MARK1: variants seen among roughly 807,000 people sequenced by gnomAD.
The protein encoded by MARK1 is serine/threonine-protein kinase MARK1.
A neutral mutation model predicts 96.3 loss-of-function variants in MARK1; 40 were observed. The ratio of observed to expected loss-of-function variants is 0.42; its 90% confidence interval spans 0.32 to 0.54. The LOEUF is 0.54. MARK1 is among the 20% of genes least tolerant of loss of function. The pLI is 0.16. For missense variants in MARK1, 719 were observed against 984.6 expected (o/e 0.73, Z 3.61); for synonymous variants, 317 against 341.2 (o/e 0.93, Z 0.78).
At chr1:220,602,961 A>G (rs913425178) in intron 5 of MARK1, among the ~76,000 whole-genome samples, 1 of 152,050 alleles carries the variant, frequency 6.6e-6, no homozygotes, top group Non-Finnish European at 1.5e-5. Context: ...TACAACAACC[A>G]TGTGAGTAGA....
At position 220,664,178 on chromosome 1, in the gene MARK1, T is replaced by G. The variant is rs1669626142; in HGVS notation, c.*2012T>G. 1 of 152,218 alleles carries G rather than the reference T, an allele frequency of 6.6e-6. No homozygotes were observed. The highest frequency in any genetic ancestry group is 1.9e-4 in the East Asian group (1 of 5,204). The allele number at this position is 152,218 out of a possible 1,614,324, so 9.4% of individuals were successfully genotyped here. A position where few individuals can be genotyped will look rare whatever the true frequency, so the allele number is the denominator to read the frequency against. On this transcript the variant is annotated 3_prime_UTR_variant, in exon 18 of 18. Coordinates refer to ENST00000366917, the MANE Select transcript of MARK1 (RefSeq NM_018650.5). Reference sequence around the variant, plus strand: ...CGGTAGAAACTGATATTTTTTTACATTTTCTCACTGTGGCCAACTCTTCTG... The same window carrying G: ...CGGTAGAAACTGATATTTTTTTACAGTTTCTCACTGTGGCCAACTCTTCTG...
At chr1:220,596,165 A>G (rs1027892681) in intron 3 of MARK1, among the ~76,000 whole-genome samples, 1 of 152,192 alleles carries the variant, frequency 6.6e-6, no homozygotes, top group Admixed American at 6.6e-5. Flanking sequence ...TAGGAGAAAC[A>G]TGTAGAGTGA....
intron 5 of MARK1, among the ~76,000 whole-genome samples, chr1:220,600,295 T>C (rs1665654379): frequency 6.6e-6 from 1 of 152,198 alleles, no homozygotes; most frequent in Non-Finnish European, 1.5e-5. Context: ...ATTCTCAATA[T>C]ACATACATTT....
chr1:220,570,900 A>G (rs1327666721), intron 1 of MARK1, among the ~76,000 whole-genome samples: 1 of 152,192 alleles, frequency 6.6e-6, no homozygotes. Flanking sequence ...TATGCTGTGC[A>G]TAGCATAGTA....
chr1:220,621,928 A>G (rs1667072889), intron 9 of MARK1, among the ~76,000 whole-genome samples: 1 of 152,180 alleles, frequency 6.6e-6, no homozygotes, highest in African/African-American at 2.4e-5. Context: ...CTTATTTATC[A>G]TCTGTGAAAA....
intron 1 of MARK1, among the ~76,000 whole-genome samples, chr1:220,538,581 A>T (rs1212000934): frequency 2.6e-5 from 4 of 151,842 alleles, no homozygotes; most frequent in Non-Finnish European, 5.9e-5. Flanking sequence ...TATGAACTTT[A>T]AAGTAGTTTT....
rs1237580036 is a variant in MARK1 at position 220,656,803 on chromosome 1, A to G, written c.1989-987A>G. Among the ~76,000 whole-genome samples the G allele has an allele frequency of 2.6e-5, 4 of 151,974 alleles. No homozygotes were observed. In the East Asian group the frequency reaches 7.7e-4, roughly 29 times the overall value. On this transcript the variant is annotated intron_variant, in intron 16 of 17. Transcript: ENST00000366917. The stretch of plus-strand genomic sequence containing the variant: ...AGATAGAAAAATTTTTTTTTTCATA[A>G]TATGTTTGTTAAGAAAGGCATGTAT...
rs1669565153 is a variant in MARK1, at chr1:220,663,041, A to G, written c.*875A>G. 1 of 152,646 alleles carries G rather than the reference A, an allele frequency of 6.6e-6. No individual in the cohort carries two copies. Among genetic ancestry groups the G allele is most frequent in the African/African-American group, 2.4e-5 (1 of 41,450 alleles). The allele number at this position is 152,646 out of a possible 1,614,324, so 9.5% of individuals were successfully genotyped here. A position where few individuals can be genotyped will look rare whatever the true frequency, so the allele number is the denominator to read the frequency against. ...AATACCGCAATTTAATTGCGGGAAT[A>G]TAATAATATTGGGACTGTTTCACAG... On this transcript the variant is annotated 3_prime_UTR_variant, in exon 18 of 18. Coordinates refer to ENST00000366917, the MANE Select transcript of MARK1 (RefSeq NM_018650.5).
rs762131946 is a variant in MARK1 at position 220,652,021 on chromosome 1, C to T, written c.1607C>T (p.Ala536Val). Residue 536 changes from alanine to valine, a missense_variant, in exon 15 of 18, where the codon GCA becomes GTA. By Grantham distance (64) the Ala-to-Val change is moderately conservative. Coordinates refer to ENST00000366917, the MANE Select transcript of MARK1 (RefSeq NM_018650.5). ...TEMSVSSISS[A>V]GSSVASAVPS... ...ATGTCTGTGAGTAGCATATCTTCTG[C>T]AGGCTCTTCTGTGGCCTCTGCTGTC... 1 of 1,611,288 alleles carries T rather than the reference C, an allele frequency of 6.2e-7. No homozygotes were observed.
chr1:220,642,347 C>T (rs1221920101), intron 13 of MARK1, among the ~76,000 whole-genome samples: 1 of 152,196 alleles, frequency 6.6e-6, no homozygotes, highest in African/African-American at 2.4e-5. Flanking sequence ...TCCCCCACAG[C>T]ACAGCATAGC....
intron 1 of MARK1, among the ~76,000 whole-genome samples, chr1:220,541,409 T>A (rs1251726561): frequency 1.3e-5 from 2 of 152,214 alleles, no homozygotes; most frequent in East Asian, 3.8e-4. Flanking sequence ...GAATGCTCTG[T>A]ATGTCTACGT....
At chr1:220,661,688 G>A (rs1341481914) in intron 17 of MARK1, 124 bp from the exon 18 acceptor site, 2 of 652,828 alleles carry the variant, frequency 3.1e-6, no homozygotes, top group Non-Finnish European at 5.3e-6. Flanking sequence ...ATCTGAGGGT[G>A]GTCTGCAAAT....
chr1:220,658,476 G>A (rs1572248730), intron 17 of MARK1, among the ~76,000 whole-genome samples: 1 of 152,210 alleles, frequency 6.6e-6, no homozygotes. Context: ...GTCCCCAGGA[G>A]ATGCTTATGC....
intron 12 of MARK1, 67 bp downstream of exon 12, chr1:220,635,596 T>C: frequency 6.6e-7 from 1 of 1,525,810 alleles, no homozygotes. Flanking sequence ...TTTTAAAGCA[T>C]TGTACATTCA....
chr1:220,635,020 T>C (rs1382692745), intron 11 of MARK1, among the ~76,000 whole-genome samples: 2 of 152,214 alleles, frequency 1.3e-5, no homozygotes. Context: ...TAATACATCA[T>C]AGGTTTGTTG....
chr1:220,579,128 C>A (rs1422115507), intron 1 of MARK1, among the ~76,000 whole-genome samples: 1 of 152,162 alleles, frequency 6.6e-6, no homozygotes, highest in Admixed American at 6.5e-5. Context: ...AGGCATGAGC[C>A]ACCACCATGC....
intron 1 of MARK1, among the ~76,000 whole-genome samples, chr1:220,556,368 G>C (rs1279907894): frequency 6.7e-6 from 1 of 148,278 alleles, no homozygotes; most frequent in East Asian, 2.0e-4. Flanking sequence ...ATGTCGAGTA[G>C]AAACCCCAAA....
chr1:220,601,843 T>C (rs1381663946), intron 5 of MARK1, among the ~76,000 whole-genome samples: 2 of 152,138 alleles, frequency 1.3e-5, no homozygotes, highest in African/African-American at 2.4e-5. Flanking sequence ...AGTAGCATAT[T>C]TGGGAGGCAC....
chr1:220,535,613 C>CGA (rs1660632497), intron 1 of MARK1, among the ~76,000 whole-genome samples: 1 of 152,034 alleles, frequency 6.6e-6, no homozygotes, highest in African/African-American at 2.4e-5. Flanking sequence ...AAGCTCTTCT[C>CGA]CTATGTTTTC....
Sources: gnomAD v4.1 joint callset for allele counts (sites outside exome capture counted in the v4.1 genomes callset) on GRCh38, gnomAD v4.1.1 for gene constraint, MANE v1.5 for transcripts, NCBI Gene and HGNC (gene_info 2026-07-23, HGNC 2026-07-21) for gene names.